The following TTN variants were observed in gnomAD, a reference collection of about 807,000 sequenced individuals.
TTN encodes titin, also known as connectin.
A neutral mutation model predicts 3,223.0 loss-of-function variants in TTN; 1,525 were observed. The observed-to-expected ratio is 0.47, with a 90% CI of 0.45 to 0.49. The LOEUF is 0.49. TTN is among the 20% of genes least tolerant of loss of function. TTN has a pLI of 0.00. For missense variants in TTN, 40,786 were observed against 43,424.0 expected (o/e 0.94, Z 5.40); for synonymous variants, 14,094 against 15,161.0 (o/e 0.93, Z 5.17).
At position 178,634,928 on chromosome 2, in the gene TTN, T is replaced by C. The variant is rs2060243620; in HGVS notation, c.42025-79A>G. 3 of 1,498,744 alleles carry C rather than the reference T, an allele frequency of 2.0e-6. No individual in the cohort carries two copies. The highest frequency in any genetic ancestry group is 8.9e-7 in the Non-Finnish European group (1 of 1,126,320). The allele number at this position is 1,498,744 out of a possible 1,614,324, so 92.8% of individuals were successfully genotyped here. On this transcript the variant is annotated intron_variant, in intron 228 of 362. Transcript: ENST00000589042. This position sits in a 1 kb window ranked among gnomAD's most constrained non-coding sequence, Gnocchi z 4.6. ...GAAGTGTTTCAGATACAAATTTCTATAGAGTTTTAAAAATTACTACTAATA... is the reference window on the plus strand; with the variant it reads ...GAAGTGTTTCAGATACAAATTTCTACAGAGTTTTAAAAATTACTACTAATA...
rs1249191300 is a variant in TTN at position 178,781,269 on chromosome 2, T to C, written c.3381-6A>G. ...TGTTGTAACTCACTTTGTATCTTTATGTAAATGTACAAAATTTAAAAATCA... is the reference window on the plus strand; with the variant it reads ...TGTTGTAACTCACTTTGTATCTTTACGTAAATGTACAAAATTTAAAAATCA... On this transcript the variant is annotated splice_polypyrimidine_tract_variant and splice_region_variant and intron_variant, in intron 20 of 362. Transcript: ENST00000589042. 2 of 1,613,854 alleles carry C rather than the reference T, an allele frequency of 1.2e-6. No individual in the cohort carries two copies. Among genetic ancestry groups the C allele is most frequent in the South Asian group, 2.2e-5 (2 of 91,082 alleles).
At chr2:178,660,638 A>G (rs2064523836) in intron 180 of TTN, among the ~76,000 whole-genome samples, 1 of 152,094 alleles carries the variant, frequency 6.6e-6, no homozygotes, top group Non-Finnish European at 1.5e-5. Flanking sequence ...CATGTCTAAA[A>G]TACCAAAAGC....
Position 178,551,799 on chromosome 2 carries a change from ATTTC to A in TTN, c.91097_91100del (p.Arg30366IlefsTer24), listed in dbSNP as rs769422187. The A allele has an allele frequency of 6.2e-7, 1 of 1,613,576 alleles. No homozygotes were observed. The highest frequency in any genetic ancestry group is 8.5e-7 in the Non-Finnish European group (1 of 1,179,704). ...TATTAACTTTTTGCCAGAGGATGCT[ATTTC>A]TTTCTTTCTTTTCAACATGGAATCC... On this transcript the variant is annotated frameshift_variant, in exon 335 of 363. Transcript: ENST00000589042. LOFTEE classifies it high-confidence loss of function.
At chr2:178,705,959 C>T (rs1254985626) in intron 102 of TTN, among the ~76,000 whole-genome samples, 1 of 152,146 alleles carries the variant, frequency 6.6e-6, no homozygotes, top group Non-Finnish European at 1.5e-5. Flanking sequence ...AGACATTCAC[C>T]TCATTCTTAA....
rs564264476 is a variant in TTN at position 178,695,336 on chromosome 2, C to A, written c.31270+12G>T. ...GATGCTCTAGTCTATTTAAATATTTCTAATTACTTACCTTTAGGAGGTGGT... is the reference window on the plus strand; with the variant it reads ...GATGCTCTAGTCTATTTAAATATTTATAATTACTTACCTTTAGGAGGTGGT... On this transcript the variant is annotated intron_variant, in intron 115 of 362. Transcript: ENST00000589042. 66 of 1,606,672 alleles carry A rather than the reference C, an allele frequency of 4.1e-5. No individual in the cohort carries two copies. The Middle Eastern group carries it at 5.0e-4, about 12-fold the overall frequency.
At position 178,531,195 on chromosome 2, in the gene TTN, G is replaced by C; in HGVS notation, c.105420C>G (p.Val35140=). Residue 35140 remains valine, a synonymous_variant, in exon 358 of 363, where the codon GTC becomes GTG. Coordinates refer to ENST00000589042, the MANE Select transcript of TTN (RefSeq NM_001267550.2). ...AAAACCTTGCAGACTCGCCCTCGTA[G>C]ACGGTCATGGACCGTGGCTTTGTTA... ...RILTKPRSMT[V]YEGESARFSC... is the part of the protein sequence containing the mutation. 6.2e-7 allele frequency: 1 copy of C among 1,613,974 alleles called. No individual in the cohort carries two copies. The highest frequency in any genetic ancestry group is 8.5e-7 in the Non-Finnish European group (1 of 1,179,872).
chr2:178,602,438 C>T lies in TTN; in HGVS notation c.54964G>A (p.Val18322Ile). The T allele has an allele frequency of 2.5e-6, 4 of 1,612,610 alleles. No homozygotes were observed. The highest frequency in any genetic ancestry group is 3.4e-6 in the Non-Finnish European group (4 of 1,179,180). The stretch of plus-strand genomic sequence containing the variant: ...GTTATAAGTTTGTCTGGTTCATTTA[C>T]TCTTTTCCAGTCAGTAGTACCTTCT... ...QEEGTTDWKR[V>I]NEPDKLITTC... Residue 18322 changes from valine to isoleucine, a missense_variant, in exon 283 of 363, where the codon GTA becomes ATA. Physicochemically the swap from Val to Ile is conservative, Grantham distance 29. Coordinates refer to ENST00000589042, the MANE Select transcript of TTN (RefSeq NM_001267550.2).
In TTN at chr2:178,731,468, G is replaced by C; in HGVS notation, c.17298C>G (p.Asp5766Glu). 1 of 1,613,698 alleles carries C rather than the reference G, an allele frequency of 6.2e-7. No individual in the cohort carries two copies. The highest frequency in any genetic ancestry group is 2.2e-5 in the East Asian group (1 of 44,830). ...SLPITVTWLK[D>E]SDEITEDDNI... ...TATCGTCTTCAGTGATTTCATCGCT[G>C]TCTTTTAGCCAAGTCACCGTAATTG... Residue 5766 changes from aspartate to glutamate, a missense_variant, in exon 59 of 363, where the codon GAC becomes GAG. Transcript: ENST00000589042.
rs746619681 is a variant in TTN, at chr2:178,750,032, A to G, written c.11311+3092T>C. ...AGGTTCCAGCTCCTCAGTTTGAAAC[A>G]CTTCTTTAGACTCTTTATCCTGTTC... is the stretch of plus-strand genomic sequence containing the variant. On this transcript the variant is annotated intron_variant, in intron 47 of 362. Transcript: ENST00000589042. 6.2e-7 allele frequency: 1 copy of G among 1,613,172 alleles called. No individual in the cohort carries two copies. Among genetic ancestry groups the G allele is most frequent in the Admixed American group, 1.7e-5 (1 of 59,860 alleles).
At chr2:178,665,128 C>G (rs573509440) in intron 165 of TTN, among the ~76,000 whole-genome samples, 1 of 152,146 alleles carries the variant, frequency 6.6e-6, no homozygotes, top group East Asian at 1.9e-4. Context: ...ACAGAGCTCT[C>G]GCGACACTCT....
In TTN at chr2:178,673,623, T is replaced by A; in HGVS notation, c.34786+10A>T. 6.4e-7 allele frequency: 1 copy of A among 1,556,324 alleles called. No individual in the cohort carries two copies. On this transcript the variant is annotated intron_variant, in intron 152 of 362. Transcript: ENST00000589042. ...AAGTTAAAGATATTAATAATGAGGA[T>A]TTGATATACCTTTAGCTGGTGGTGC...
intron 70 of TTN, 58 bp from the exon 71 acceptor site, chr2:178,725,707 T>C: frequency 6.5e-7 from 1 of 1,547,566 alleles, no homozygotes; most frequent in South Asian, 1.3e-5. Context: ...CATGCGAGAG[T>C]GAAAAAAGTA....
intron 278 of TTN, among the ~76,000 whole-genome samples, chr2:178,606,108 C>T (rs192410644): frequency 6.6e-6 from 1 of 152,046 alleles, no homozygotes; most frequent in African/African-American, 2.4e-5. Context: ...GTGGATATGT[C>T]TATGAACATA....
In TTN at chr2:178,591,644, C is replaced by T. The variant is rs778467153; in HGVS notation, c.60175G>A (p.Gly20059Ser). ...RVKAENIVGL[G>S]LPDTTIPIEC... ...ATCGGGATAGTTGTGTCAGGGAGAC[C>T]AAGACCCACAATGTTTTCAGCTTTT... The change falls in exon 303 of 363, where the codon GGT becomes AGT. Residue 20059 changes from glycine to serine, a missense_variant. Transcript: ENST00000589042. 1 of 1,613,368 alleles carries T rather than the reference C, an allele frequency of 6.2e-7. No individual in the cohort carries two copies. The highest frequency in any genetic ancestry group is 8.5e-7 in the Non-Finnish European group (1 of 1,179,524).
At chr2:178,757,166 A>C (rs2087344106) in intron 45 of TTN, among the ~76,000 whole-genome samples, 2 of 151,726 alleles carry the variant, frequency 1.3e-5, no homozygotes, top group Non-Finnish European at 2.9e-5. Flanking sequence ...TACAGTAAGT[A>C]ATACTGTACT....
intron 43 of TTN, among the ~76,000 whole-genome samples, chr2:178,760,665 G>A (rs1251395735): frequency 6.6e-6 from 1 of 152,096 alleles, no homozygotes; most frequent in African/African-American, 2.4e-5. Context: ...GCATATAATT[G>A]CTGTGAGAAT....
At position 178,775,959 on chromosome 2, in the gene TTN, C is replaced by T; in HGVS notation, c.5905G>A (p.Asp1969Asn). ...FEVQKVDRPVDTTETKEVVKL... is the reference protein window; with the variant it reads ...FEVQKVDRPVNTTETKEVVKL... The stretch of plus-strand genomic sequence containing the variant: ...ACAACTTCTTTGGTTTCAGTGGTGT[C>T]AACAGGTCTATCCACTTTTTGTACT... The change falls in exon 28 of 363, where the codon GAC becomes AAC. Residue 1969 changes from aspartate to asparagine, a missense_variant. Physicochemically the swap from Asp to Asn is conservative, Grantham distance 23. Transcript: ENST00000589042. 6.2e-7 allele frequency: 1 copy of T among 1,614,144 alleles called. No homozygotes were observed. The highest frequency in any genetic ancestry group is 8.5e-7 in the Non-Finnish European group (1 of 1,179,996).
At chr2:178,746,286 C>T in intron 47 of TTN, 4 of 1,612,014 alleles carry the variant, frequency 2.5e-6, no homozygotes, top group Non-Finnish European at 3.4e-6. Flanking sequence ...ACTTCTAAAT[C>T]AATTTTTAGT....
rs1705141926 is a variant in TTN, at chr2:178,564,947, T to C, written c.81185A>G (p.Lys27062Arg). ...AAATGGATATTGTACAATAACTGCCTTAGAATCCAGTGGGGCACTTTTTCC... is the reference window on the plus strand; with the variant it reads ...AAATGGATATTGTACAATAACTGCCCTAGAATCCAGTGGGGCACTTTTTCC... Reference protein sequence around the residue: ...RYGKSAPLDSKAVIVQYPFKE... With the variant: ...RYGKSAPLDSRAVIVQYPFKE... The change falls in exon 326 of 363, where the codon AAG becomes AGG. Residue 27062 changes from lysine to arginine, a missense_variant. Lys to Arg is a conservative substitution (Grantham distance 26). Coordinates refer to ENST00000589042, the MANE Select transcript of TTN (RefSeq NM_001267550.2). 6.2e-7 allele frequency: 1 copy of C among 1,612,310 alleles called. No homozygotes were observed. The highest frequency in any genetic ancestry group is 1.7e-5 in the Admixed American group (1 of 59,826).
Sources: allele counts gnomAD v4.1 joint callset (sites outside exome capture counted in the v4.1 genomes callset), GRCh38; gene constraint gnomAD v4.1.1; non-coding constraint Gnocchi (gnomAD v3.1); transcripts MANE v1.5; gene names NCBI Gene and HGNC (gene_info 2026-07-23, HGNC 2026-07-21).